The following ZNF385B variants were observed in gnomAD, a reference collection of about 807,000 sequenced individuals.
ZNF385B encodes the protein zinc finger protein 533.
ZNF385B carries 23 observed loss-of-function variants against 39.2 expected under a neutral mutation model. That is an observed-to-expected ratio of 0.59 (90% CI 0.42 to 0.83). The LOEUF (loss-of-function observed/expected upper bound fraction) is 0.83. Ranked by LOEUF, ZNF385B falls within the 40% of genes least tolerant of loss-of-function variation. ZNF385B has a pLI of 0.00. For missense variants in ZNF385B, 552 were observed against 598.9 expected (o/e 0.92, Z 0.82); for synonymous variants, 205 against 222.6 (o/e 0.92, Z 0.70).
At chr2:179,748,134 T>C (rs1372176607) in intron 3 of ZNF385B, among the ~76,000 whole-genome samples, 4 of 152,206 alleles carry the variant, frequency 2.6e-5, no homozygotes, top group Admixed American at 1.3e-4. Flanking sequence ...AGTGTTACTT[T>C]AATGGATGGG....
intron 3 of ZNF385B, among the ~76,000 whole-genome samples, chr2:179,671,171 T>C (rs768322044): frequency 6.6e-6 from 1 of 152,248 alleles, no homozygotes; most frequent in African/African-American, 2.4e-5. Flanking sequence ...GACTGTCAGC[T>C]GCTTAATGTT....
chr2:179,506,062 T>A (rs2057228541), intron 5 of ZNF385B, among the ~76,000 whole-genome samples: 1 of 152,124 alleles, frequency 6.6e-6, no homozygotes. Flanking sequence ...TGTAGTTACA[T>A]GACGGAACTT....
intron 1 of ZNF385B, among the ~76,000 whole-genome samples, chr2:179,835,154 A>G (rs1195888916): frequency 1.3e-5 from 2 of 152,254 alleles, no homozygotes; most frequent in Admixed American, 1.3e-4. Flanking sequence ...ATGACCGGAT[A>G]CACACTGAAG....
intron 3 of ZNF385B, among the ~76,000 whole-genome samples, chr2:179,679,637 G>A (rs535403801): frequency 1.8e-3 from 251 of 140,184 alleles, no homozygotes; most frequent in Middle Eastern, 3.6e-3. Flanking sequence ...TGTTGTTGTT[G>A]TTATTATAGC....
chr2:179,534,861 T>C (rs2059462196), intron 4 of ZNF385B: 1 of 152,106 alleles, frequency 6.6e-6, no homozygotes, highest in Non-Finnish European at 1.5e-5. Flanking sequence ...TTGGAGAAGG[T>C]AGGATATAGT....
chr2:179,595,561 G>T (rs545967566), intron 3 of ZNF385B, among the ~76,000 whole-genome samples: 2 of 152,140 alleles, frequency 1.3e-5, no homozygotes, highest in African/African-American at 2.4e-5. Context: ...TTCTCTGATA[G>T]GGCTTTAGAA....
chr2:179,852,028 A>C (rs1266345023), intron 1 of ZNF385B, among the ~76,000 whole-genome samples: 5 of 152,202 alleles, frequency 3.3e-5, no homozygotes, highest in African/African-American at 9.7e-5. Flanking sequence ...TTGCTTATGT[A>C]AGCTATGCAC....
chr2:179,627,700 A>G (rs1690790247), intron 3 of ZNF385B, among the ~76,000 whole-genome samples: 1 of 152,208 alleles, frequency 6.6e-6, no homozygotes, highest in South Asian at 2.1e-4. Flanking sequence ...AAATACTACA[A>G]ATCAGGGCTT....
intron 1 of ZNF385B, among the ~76,000 whole-genome samples, chr2:179,843,313 G>C (rs1336671743): frequency 6.6e-6 from 1 of 152,198 alleles, no homozygotes; most frequent in Non-Finnish European, 1.5e-5. Context: ...TACATCTAGA[G>C]TAAAAATCAC....
chr2:179,500,424 G>T (rs765046994), intron 5 of ZNF385B, among the ~76,000 whole-genome samples: 4 of 151,972 alleles, frequency 2.6e-5, no homozygotes, highest in Non-Finnish European at 5.9e-5. Context: ...ACAGACTAGA[G>T]AACCCAGAAA....
At chr2:179,754,836 G>A (rs1314911663) in intron 3 of ZNF385B, among the ~76,000 whole-genome samples, 4 of 151,740 alleles carry the variant, frequency 2.6e-5, no homozygotes, top group African/African-American at 7.3e-5. Flanking sequence ...TTCTTTATTA[G>A]TCTTGCTAGT....
intron 3 of ZNF385B, among the ~76,000 whole-genome samples, chr2:179,662,502 G>T (rs868171726): frequency 1.3e-5 from 2 of 151,950 alleles, no homozygotes; most frequent in East Asian, 3.9e-4. Flanking sequence ...TTTACCAGGC[G>T]CTTGATATTA....
rs11282329 is a variant in ZNF385B, at chr2:179,760,223, C to CGCACGT, written c.298+9279_298+9280insACGTGC. On this transcript the variant is annotated intron_variant, in intron 3 of 9. Coordinates refer to ENST00000410066, the MANE Select transcript of ZNF385B (RefSeq NM_152520.6). ...CCAGTATTACCTGGATTCCTGTGTG[C>CGCACGT]GTGTGTGTGTGTGTGTGTGTGTGTG... Among the ~76,000 whole-genome samples the CGCACGT allele has an allele frequency of 2.4e-4, 34 of 144,550 alleles. No homozygotes were observed. The East Asian group carries it at 5.9e-3, about 25-fold the overall frequency. The allele number at this position is 144,550 out of a possible 152,430, so 94.8% of individuals were successfully genotyped here.
chr2:179,496,288 G>A (rs1228013944), intron 5 of ZNF385B, among the ~76,000 whole-genome samples: 2 of 152,020 alleles, frequency 1.3e-5, no homozygotes, highest in Admixed American at 6.6e-5. Flanking sequence ...TACATGGAGA[G>A]AGGAGACAAC....
At chr2:179,838,215 T>C (rs1307131111) in intron 1 of ZNF385B, among the ~76,000 whole-genome samples, 1 of 152,202 alleles carries the variant, frequency 6.6e-6, no homozygotes, top group African/African-American at 2.4e-5. Context: ...ATGATAAACA[T>C]TTCTCTCCAT....
chr2:179,498,731 GAA>G (rs2056478385), intron 5 of ZNF385B, among the ~76,000 whole-genome samples: 1 of 151,656 alleles, frequency 6.6e-6, no homozygotes, highest in Non-Finnish European at 1.5e-5. Context: ...TCAAAAAAGA[GAA>G]AAACTTCAAA....
chr2:179,484,633 A>G (rs975920822), intron 5 of ZNF385B, among the ~76,000 whole-genome samples: 4 of 152,014 alleles, frequency 2.6e-5, no homozygotes, highest in African/African-American at 9.7e-5. Flanking sequence ...GACAGACAGA[A>G]TGGGTCTCTG....
At chr2:179,566,180 A>C (rs1684553295) in intron 3 of ZNF385B, among the ~76,000 whole-genome samples, 2 of 152,242 alleles carry the variant, frequency 1.3e-5, no homozygotes, top group South Asian at 2.1e-4. Flanking sequence ...CAAAGAGTAC[A>C]TGGATTATGA....
intron 1 of ZNF385B, among the ~76,000 whole-genome samples, chr2:179,846,578 C>A (rs1346352322): frequency 6.6e-6 from 1 of 152,174 alleles, no homozygotes; most frequent in Non-Finnish European, 1.5e-5. Context: ...CCTGGGGGTA[C>A]CTCAGGCATG....
Sources: gnomAD v4.1 joint callset for allele counts (sites outside exome capture counted in the v4.1 genomes callset) on GRCh38, gnomAD v4.1.1 for gene constraint, MANE v1.5 for transcripts, NCBI Gene and HGNC (gene_info 2026-07-23, HGNC 2026-07-21) for gene names.